The following TUBA8 variants were observed in gnomAD, a reference collection of about 807,000 sequenced individuals.
TUBA8 encodes tubulin alpha 8, also known as tubulin alpha-8 chain.
Under a neutral mutation model 34.7 loss-of-function variants are expected in TUBA8, and 29 were observed. The observed-to-expected ratio is 0.84, with a 90% CI of 0.62 to 1.14. The LOEUF is 1.14. TUBA8 is among the 50% of genes most tolerant of loss of function. TUBA8 has a pLI of 0.00. For missense variants in TUBA8, 541 were observed against 599.2 expected (o/e 0.90, Z 1.01); for synonymous variants, 226 against 231.2 (o/e 0.98, Z 0.21).
intron 1 of TUBA8, chr22:18,112,829 A>T (rs972992383): frequency 6.6e-6 from 1 of 152,244 alleles, no homozygotes; most frequent in East Asian, 1.9e-4. Context: ...AACATTTTAC[A>T]CTCACAGAAA....
rs944118033 is a variant in TUBA8, at chr22:18,131,158, G to T, written c.*22G>T. 4.3e-6 allele frequency: 7 copies of T among 1,609,434 alleles called. No individual in the cohort carries two copies. The African/African-American group carries it at 9.4e-5, about 22-fold the overall frequency. Reference sequence around the variant, plus strand: ...TTAAATATATACCTTCCCCTTGGCTGTGTCTCTTTATTTATGCTGTGCCAT... The same window carrying T: ...TTAAATATATACCTTCCCCTTGGCTTTGTCTCTTTATTTATGCTGTGCCAT... On this transcript the variant is annotated 3_prime_UTR_variant, in exon 5 of 5. Transcript: ENST00000330423. The surrounding 1 kb of genome is among the most constrained non-coding windows in gnomAD (Gnocchi z 5.3).
Position 18,130,698 on chromosome 22 carries a change from CCGCCTGT to C in TUBA8, c.1057-144_1057-138del, listed in dbSNP as rs1223936948. The C allele has an allele frequency of 3.8e-6, 4 of 1,039,750 alleles. No individual in the cohort carries two copies. The African/African-American group carries it at 6.4e-5, about 17-fold the overall frequency. 64.4% of individuals were successfully genotyped at this position (1,039,750 alleles called of 1,614,324 possible). On this transcript the variant is annotated intron_variant, in intron 4 of 4. Transcript: ENST00000330423. ...ACCTGCTGGCTTCCCCAGTCCCATC[CCGCCTGT>C]TGCATCCCATAGCCCCACTCCCACG...
chr22:18,130,753 A>C, intron 4 of TUBA8, 90 bp from the exon 5 acceptor site: 3 of 1,569,954 alleles, frequency 1.9e-6, no homozygotes, highest in Non-Finnish European at 2.6e-6. Flanking sequence ...ACTTGAAGCC[A>C]TGCCAAGTGA....
chr22:18,117,783 A>AG (rs958206230), intron 1 of TUBA8: 21 of 151,592 alleles, frequency 1.4e-4, no homozygotes, highest in African/African-American at 5.1e-4. Flanking sequence ...TCAAAAAAAA[A>AG]AAAAAAAAAA....
Position 18,124,222 on chromosome 22 carries a change from A to T in TUBA8, c.293A>T (p.Asp98Val). ...HPEQLITGKE[D>V]AANNYARGHY... is the part of the protein sequence containing the mutation. ...GAGCAGCTGATCACAGGAAAGGAGG[A>T]TGCAGCCAACAACTATGCCCGGGGC... The change falls in exon 3 of 5, where the codon GAT (aspartate) becomes GTT (valine). Residue 98 changes from aspartate to valine, a missense_variant. Physicochemically the swap from Asp to Val is radical, Grantham distance 152 (BLOSUM62 -3). Transcript: ENST00000330423. This position sits in a 1 kb window ranked among gnomAD's most constrained non-coding sequence, Gnocchi z 4.3. 6.2e-7 allele frequency: 1 copy of T among 1,614,158 alleles called. No homozygotes were observed. Among genetic ancestry groups the T allele is most frequent in the Non-Finnish European group, 8.5e-7 (1 of 1,180,040 alleles).
intron 1 of TUBA8, chr22:18,112,574 A>G (rs1285542401): frequency 6.6e-6 from 1 of 152,238 alleles, no homozygotes; most frequent in East Asian, 1.9e-4. Flanking sequence ...CCTGTGCACA[A>G]GCTTGAATGT....
intron 1 of TUBA8, chr22:18,115,529 T>C (rs998221720): frequency 2.6e-5 from 4 of 152,236 alleles, no homozygotes; most frequent in African/African-American, 7.2e-5. Flanking sequence ...AAAGGTTCCT[T>C]GCCCTCACAG....
chr22:18,111,435 TCAG>T lies in TUBA8; in HGVS notation c.3+572_3+574del, dbSNP rs142387067. 0.035 allele frequency: 5,485 copies of T among 155,862 alleles called. 319 individuals carry two copies. Among genetic ancestry groups the T allele is most frequent in the African/African-American group, 0.12 (5,113 of 41,490 alleles). 9.7% of individuals were successfully genotyped at this position (155,862 alleles called of 1,614,324 possible). A position where few individuals can be genotyped will look rare whatever the true frequency, so the allele number is the denominator to read the frequency against. ...GCGCGGCGGGGTCCTCCGGGCGCAC[TCAG>T]CAGCTCCCAAGTCTTTCCAGCGGTC... On this transcript the variant is annotated intron_variant, in intron 1 of 4. Coordinates refer to ENST00000330423, the MANE Select transcript of TUBA8 (RefSeq NM_018943.3). The surrounding 1 kb of genome is among the most constrained non-coding windows in gnomAD (Gnocchi z 5.1).
At chr22:18,120,976 C>A (rs148213219) in intron 1 of TUBA8, 3 of 168,646 alleles carry the variant, frequency 1.8e-5, no homozygotes, top group South Asian at 3.0e-4. Context: ...ACAGCCATGG[C>A]GCATACTTCC....
At chr22:18,116,576 T>G (rs1927982227) in intron 1 of TUBA8, 1 of 152,204 alleles carries the variant, frequency 6.6e-6, no homozygotes, top group African/African-American at 2.4e-5. Context: ...TTGTAGCCAA[T>G]ACAACATCCC....
chr22:18,129,242 G>A (rs570470252), intron 4 of TUBA8: 3 of 152,198 alleles, frequency 2.0e-5, no homozygotes, highest in Non-Finnish European at 4.4e-5. Context: ...GGGGAAAAAA[G>A]AGAATGAATG....
chr22:18,111,054 T>C lies in TUBA8; in HGVS notation c.3+186T>C, dbSNP rs975921717. ...GGAACACCCGGTGCCCTTTATCGTA[T>C]GGGGGAAATAGAGACCAGGGGCCAG... On this transcript the variant is annotated intron_variant, in intron 1 of 4. Coordinates refer to ENST00000330423, the MANE Select transcript of TUBA8 (RefSeq NM_018943.3). This position sits in a 1 kb window ranked among gnomAD's most constrained non-coding sequence, Gnocchi z 5.1. 1.2e-6 allele frequency: 1 copy of C among 830,600 alleles called. No homozygotes were observed. Among genetic ancestry groups the C allele is most frequent in the Non-Finnish European group, 1.9e-6 (1 of 523,802 alleles). 51.5% of individuals were successfully genotyped at this position (830,600 alleles called of 1,614,324 possible). A position where few individuals can be genotyped will look rare whatever the true frequency, so the allele number is the denominator to read the frequency against.
intron 1 of TUBA8, chr22:18,120,202 C>T (rs1001117155): frequency 1.3e-5 from 2 of 152,038 alleles, no homozygotes; most frequent in African/African-American, 4.8e-5. Context: ...TATTGTGATG[C>T]CAAGGTTTGG....
intron 4 of TUBA8, chr22:18,129,108 CTA>C (rs1928422157): frequency 6.6e-6 from 1 of 152,186 alleles, no homozygotes; most frequent in South Asian, 2.1e-4. Context: ...CCCCCCAAGA[CTA>C]TGCCTATTTT....
chr22:18,113,891 G>A (rs1927889139), intron 1 of TUBA8: 1 of 152,364 alleles, frequency 6.6e-6, no homozygotes, highest in African/African-American at 2.4e-5. Flanking sequence ...CCAGCCTTGG[G>A]TCAGGCCCAT....
chr22:18,126,073 T>C lies in TUBA8; in HGVS notation c.376-281T>C, dbSNP rs1928305421. 2.1e-6 allele frequency: 1 copy of C among 477,108 alleles called. No homozygotes were observed. Among genetic ancestry groups the C allele is most frequent in the Non-Finnish European group, 3.8e-6 (1 of 262,754 alleles). The allele number at this position is 477,108 out of a possible 1,614,324, so 29.6% of individuals were successfully genotyped here. A position where few individuals can be genotyped will look rare whatever the true frequency, so the allele number is the denominator to read the frequency against. On this transcript the variant is annotated intron_variant, in intron 3 of 4. Transcript: ENST00000330423. The surrounding 1 kb of genome is among the most constrained non-coding windows in gnomAD (Gnocchi z 4.0). ...ATGCGAGGTCTCACTATGTTGCCCATGCTGGTTGTGAACTCCTGGCCTCAA... is the reference window on the plus strand; with the variant it reads ...ATGCGAGGTCTCACTATGTTGCCCACGCTGGTTGTGAACTCCTGGCCTCAA...
intron 4 of TUBA8, chr22:18,129,369 A>C (rs1341975721): frequency 1.3e-5 from 2 of 152,178 alleles, no homozygotes; most frequent in African/African-American, 2.4e-5. Context: ...GCATTAGCAT[A>C]AGCTAAGAAA....
rs1928164068 is a variant in TUBA8, at chr22:18,121,960, A to G, written c.226+259A>G. On this transcript the variant is annotated intron_variant, in intron 2 of 4. Coordinates refer to ENST00000330423, the MANE Select transcript of TUBA8 (RefSeq NM_018943.3). The surrounding 1 kb of genome is among the most constrained non-coding windows in gnomAD (Gnocchi z 4.8). Reference sequence around the variant, plus strand: ...CCTGCGGCACCAGGTCAAAATGGTCACATCGCTACTAAATACTAAGGATAA... The same window carrying G: ...CCTGCGGCACCAGGTCAAAATGGTCGCATCGCTACTAAATACTAAGGATAA... The G allele has an allele frequency of 1.9e-6, 1 of 520,294 alleles. No homozygotes were observed. Among genetic ancestry groups the G allele is most frequent in the African/African-American group, 1.9e-5 (1 of 52,492 alleles). The allele number at this position is 520,294 out of a possible 1,614,324, so 32.2% of individuals were successfully genotyped here.
Position 18,131,046 on chromosome 22 carries a change from G to A in TUBA8, c.1260G>A (p.Glu420=). 2.5e-6 allele frequency: 4 copies of A among 1,614,236 alleles called. No homozygotes were observed. Among genetic ancestry groups the A allele is most frequent in the Non-Finnish European group, 3.4e-6 (4 of 1,180,036 alleles). The stretch of plus-strand genomic sequence containing the variant: ...GGATGGAAGAAGGAGAATTTTCTGA[G>A]GCCAGGGAAGACTTAGCTGCCCTGG... ...GEGMEEGEFS[E]AREDLAALEK... Residue 420 remains glutamate (E), a synonymous_variant, in exon 5 of 5, where the codon GAG becomes GAA. Transcript: ENST00000330423. The surrounding 1 kb of genome is among the most constrained non-coding windows in gnomAD (Gnocchi z 5.3).
Sources: gnomAD v4.1 joint callset for allele counts on GRCh38, gnomAD v4.1.1 for gene constraint, Gnocchi (gnomAD v3.1) non-coding constraint, MANE v1.5 for transcripts, NCBI Gene and HGNC (gene_info 2026-07-23, HGNC 2026-07-21) for gene names.